CMIP: variants seen among roughly 807,000 people sequenced by gnomAD.
CMIP encodes the protein C-Maf-inducing protein.
In CMIP, 13 loss-of-function variants were observed where a neutral mutation model predicts 97.3. The observed-to-expected ratio is 0.13, with a 90% CI of 0.09 to 0.21. The LOEUF is 0.21. CMIP is among the 10% of genes least tolerant of loss of function. CMIP has a pLI of 1.00. For synonymous variants in CMIP, 538 were observed against 436.3 expected (o/e 1.23, Z -2.91); for missense variants, 847 against 1,024.9 (o/e 0.83, Z 2.37).
chr16:81,568,408 C>CAA (rs1259496073), intron 1 of CMIP, among the ~76,000 whole-genome samples: 5 of 152,170 alleles, frequency 3.3e-5, no homozygotes, highest in African/African-American at 1.2e-4. Context: ...GACAGATCAG[C>CAA]AAAAGCCTCA....
intron 1 of CMIP, among the ~76,000 whole-genome samples, chr16:81,590,461 G>T (rs530932684): frequency 6.6e-6 from 1 of 152,332 alleles, no homozygotes; most frequent in South Asian, 2.1e-4. Context: ...TCTGGATCAT[G>T]TCCAGCAGCC....
At chr16:81,688,409 A>T (rs1337347174) in intron 10 of CMIP, among the ~76,000 whole-genome samples, 6 of 152,212 alleles carry the variant, frequency 3.9e-5, no homozygotes, top group Non-Finnish European at 1.5e-5. Flanking sequence ...GGCTGGTGAG[A>T]GCCAAGGCTC....
intron 1 of CMIP, among the ~76,000 whole-genome samples, chr16:81,593,257 C>G (rs2091493614): frequency 6.6e-6 from 1 of 152,172 alleles, no homozygotes; most frequent in African/African-American, 2.4e-5. Flanking sequence ...GAGAAGGGTG[C>G]CTGGAGGGTC....
At chr16:81,691,743 C>G in intron 10 of CMIP, 32 bp from the exon 11 acceptor site, 2 of 1,604,062 alleles carry the variant, frequency 1.2e-6, no homozygotes, top group Non-Finnish European at 8.5e-7. Flanking sequence ...CTTGTCCCAA[C>G]CAAAGCTGAC....
At chr16:81,606,613 C>G (rs1030243101) in intron 1 of CMIP, among the ~76,000 whole-genome samples, 1 of 152,174 alleles carries the variant, frequency 6.6e-6, no homozygotes, top group Non-Finnish European at 1.5e-5. Flanking sequence ...TCAACACATG[C>G]TATTGAGCAC....
intron 1 of CMIP, among the ~76,000 whole-genome samples, chr16:81,599,924 TA>T (rs1397693413): frequency 3.3e-5 from 5 of 152,188 alleles, no homozygotes; most frequent in African/African-American, 1.2e-4. Context: ...TGAATGTCCA[TA>T]TGGGTGGGGT....
At chr16:81,605,486 T>C (rs1052828782) in intron 1 of CMIP, among the ~76,000 whole-genome samples, 2 of 152,234 alleles carry the variant, frequency 1.3e-5, no homozygotes, top group East Asian at 1.9e-4. Context: ...GCAATCCCTG[T>C]GAACCTTGGC....
chr16:81,521,855 T>C (rs1387590079), intron 1 of CMIP, among the ~76,000 whole-genome samples: 1 of 152,222 alleles, frequency 6.6e-6, no homozygotes, highest in Admixed American at 6.5e-5. Flanking sequence ...AAAGGTATCC[T>C]GAGTGTTCCC....
chr16:81,701,729 C>G lies in CMIP; in HGVS notation c.1825C>G (p.Leu609Val). ...CACCCAACTGCAGATCATCTCAACC[C>G]TGGAGAGCACAGACGTGGGGAAGCG... ...NDTQLQIISTLESTDVGKRMY... is the reference protein window; with the variant it reads ...NDTQLQIISTVESTDVGKRMY... Residue 609 changes from leucine (L) to valine (V), a missense_variant, in exon 16 of 21, where the codon CTG becomes GTG. Leu to Val is a conservative substitution (Grantham distance 32). Around this residue, in one of 4 missense-constraint regions of CMIP, gnomAD observed 266 missense variants for 384.2 expected, o/e 0.69. Transcript: ENST00000537098. The G allele has an allele frequency of 6.2e-7, 1 of 1,613,936 alleles. No individual in the cohort carries two copies. Among genetic ancestry groups the G allele is most frequent in the Non-Finnish European group, 8.5e-7 (1 of 1,179,894 alleles).
intron 1 of CMIP, among the ~76,000 whole-genome samples, chr16:81,510,412 C>T (rs1252771653): frequency 2.0e-5 from 3 of 152,190 alleles, no homozygotes; most frequent in Non-Finnish European, 4.4e-5. Context: ...ATTATGTGCT[C>T]TCAGCTAAGC....
chr16:81,447,018 G>A (rs1171064764), intron 1 of CMIP, among the ~76,000 whole-genome samples: 1 of 152,148 alleles, frequency 6.6e-6, no homozygotes, highest in South Asian at 2.1e-4. Flanking sequence ...CCCAGTCCCC[G>A]GTCAGGCTGG....
At position 81,540,589 on chromosome 16, in the gene CMIP, C is replaced by T. The variant is rs185836686; in HGVS notation, c.301-66978C>T. On this transcript the variant is annotated intron_variant, in intron 1 of 20. Coordinates refer to ENST00000537098, the MANE Select transcript of CMIP (RefSeq NM_198390.3). ...AAGTGTTGGGATTACAGGCGTGAGC[C>T]ACTGCACCTGGCCTGGCCTCTTCTT... Among the ~76,000 whole-genome samples, 155 of 152,130 alleles carry T rather than the reference C, an allele frequency of 1.0e-3. 1 individual carries two copies. The highest frequency in any genetic ancestry group is 3.6e-3 in the African/African-American group (150 of 41,492).
chr16:81,546,604 T>G (rs1048148667), intron 1 of CMIP, among the ~76,000 whole-genome samples: 1 of 152,218 alleles, frequency 6.6e-6, no homozygotes, highest in African/African-American at 2.4e-5. Context: ...AACACAGTTG[T>G]GTGTCTCCTG....
chr16:81,445,579 C>T (rs1905778027), intron 1 of CMIP, 38 bp downstream of exon 1: 1 of 1,528,016 alleles, frequency 6.5e-7, no homozygotes, highest in East Asian at 2.5e-5. Context: ...CGCCTCTCCT[C>T]GGGGCCCGAG....
chr16:81,548,565 G>A (rs930223237), intron 1 of CMIP, among the ~76,000 whole-genome samples: 5 of 152,004 alleles, frequency 3.3e-5, no homozygotes, highest in Admixed American at 2.0e-4. Flanking sequence ...TCCAGGCCAC[G>A]TGTGGTGGCA....
intron 1 of CMIP, among the ~76,000 whole-genome samples, chr16:81,452,010 C>T (rs997820438): frequency 2.6e-5 from 4 of 152,312 alleles, no homozygotes; most frequent in Admixed American, 6.5e-5. Context: ...ATGAGACGTG[C>T]GTGTGGGGGA....
chr16:81,499,483 G>A (rs2089555487), intron 1 of CMIP, among the ~76,000 whole-genome samples: 1 of 152,234 alleles, frequency 6.6e-6, no homozygotes, highest in African/African-American at 2.4e-5. Flanking sequence ...TGGACCTGGC[G>A]ATGACCTCTG....
Position 81,670,446 on chromosome 16 carries a change from C to T in CMIP, c.929+201C>T, listed in dbSNP as rs1423620939. 3.9e-5 allele frequency among the ~76,000 whole-genome samples: 6 copies of T among 152,268 alleles called. No individual in the cohort carries two copies. In the South Asian group the frequency reaches 6.2e-4, roughly 16 times the overall value. Reference sequence around the variant, plus strand: ...AACACTGCTGTTTCCTCAGGTCCCACGACCCCTCAGGCTGTAGGTGCCACA... The same window carrying T: ...AACACTGCTGTTTCCTCAGGTCCCATGACCCCTCAGGCTGTAGGTGCCACA... On this transcript the variant is annotated intron_variant, in intron 8 of 20. Transcript: ENST00000537098.
chr16:81,475,301 T>C (rs1339312782), intron 1 of CMIP, among the ~76,000 whole-genome samples: 1 of 152,220 alleles, frequency 6.6e-6, no homozygotes, highest in Non-Finnish European at 1.5e-5. Flanking sequence ...CAAAGCAGGG[T>C]ATAAAATAAT....
Sources: allele counts gnomAD v4.1 joint callset (sites outside exome capture counted in the v4.1 genomes callset), GRCh38; gene constraint gnomAD v4.1.1; regional missense constraint gnomAD v4.1.1; transcripts MANE v1.5; gene names NCBI Gene and HGNC (gene_info 2026-07-23, HGNC 2026-07-21).